Variants in PTPRN2 observed in about 807,000 individuals in gnomAD.
PTPRN2 encodes the protein protein tyrosine phosphatase receptor type N2.
In PTPRN2, 74 loss-of-function variants were observed where a neutral mutation model predicts 118.8. That is an observed-to-expected ratio of 0.62 (90% CI 0.52 to 0.76). The LOEUF is 0.76. PTPRN2 is among the 30% of genes least tolerant of loss of function. The pLI is 0.00. For missense variants in PTPRN2, 1,481 were observed against 1,394.4 expected, an observed-to-expected ratio of 1.06 and a Z score of -0.99; for synonymous variants, 641 against 608.0, an observed-to-expected ratio of 1.05 and a Z score of -0.80.
chr7:157,922,645 T>C (rs886517544), intron 11 of PTPRN2, among the ~76,000 whole-genome samples: 34 of 152,302 alleles, frequency 2.2e-4, no homozygotes, highest in African/African-American at 8.2e-4. Flanking sequence ...CTCCTTTTGC[T>C]GGGAAGGAAA....
At chr7:157,706,044 G>A (rs980377778) in intron 12 of PTPRN2, among the ~76,000 whole-genome samples, 3 of 151,280 alleles carry the variant, frequency 2.0e-5, no homozygotes, top group African/African-American at 7.3e-5. Flanking sequence ...AAATCAACGT[G>A]GACCACATCC....
chr7:158,331,148 G>T (rs1399590415), intron 2 of PTPRN2, among the ~76,000 whole-genome samples: 2 of 135,528 alleles, frequency 1.5e-5, no homozygotes, highest in Non-Finnish European at 3.1e-5. Context: ...GCCCGCAGAC[G>T]TCACTCACAC....
intron 2 of PTPRN2, among the ~76,000 whole-genome samples, chr7:158,391,902 T>C (rs574874021): frequency 1.4e-4 from 21 of 152,318 alleles, no homozygotes; most frequent in African/African-American, 4.6e-4. Flanking sequence ...ATTTGCCACC[T>C]GGGATGACGC....
chr7:158,143,304 C>A (rs1819561219), intron 6 of PTPRN2, among the ~76,000 whole-genome samples: 1 of 152,194 alleles, frequency 6.6e-6, no homozygotes, highest in Admixed American at 6.5e-5. Context: ...GCCCAGAAAA[C>A]TAACAGCCCC....
intron 11 of PTPRN2, among the ~76,000 whole-genome samples, chr7:157,917,481 GGGCTTCGGTGGAAAGGGAGCAT>G (rs1343496103): frequency 6.6e-6 from 1 of 152,182 alleles, no homozygotes; most frequent in Non-Finnish European, 1.5e-5. Context: ...CCGGGGGGCG[GGGCTTCGGTGGAAAGGGAGCAT>G]GGCTGCGCAG....
chr7:157,883,568 CA>C (rs1283286130), intron 12 of PTPRN2, among the ~76,000 whole-genome samples: 3 of 147,496 alleles, frequency 2.0e-5, no homozygotes, highest in East Asian at 3.9e-4. Flanking sequence ...GAACAGAACA[CA>C]CCACCCCAAA....
Position 158,525,320 on chromosome 7 carries a change from C to T in PTPRN2, c.113-35535G>A, listed in dbSNP as rs1011592871. 6.6e-6 allele frequency among the ~76,000 whole-genome samples: 1 copy of T among 152,198 alleles called. No homozygotes were observed. The highest frequency in any genetic ancestry group is 1.5e-5 in the Non-Finnish European group (1 of 68,044). On this transcript the variant is annotated intron_variant, in intron 1 of 22. Coordinates refer to ENST00000389418, the MANE Select transcript of PTPRN2 (RefSeq NM_002847.5). This position sits in a 1 kb window ranked among gnomAD's most constrained non-coding sequence, Gnocchi z 4.1. ...ACGGCCCCCTAATGTGCAACAAAAC[C>T]GTGAGACCCGAGCAGAAGCTGCAGC...
chr7:157,946,787 C>T (rs1800514892), intron 11 of PTPRN2, among the ~76,000 whole-genome samples: 1 of 152,202 alleles, frequency 6.6e-6, no homozygotes, highest in East Asian at 1.9e-4. Flanking sequence ...TCCCAGAAGC[C>T]AAGTGAGAGA....
chr7:158,319,637 A>ACT (rs1563132180), intron 2 of PTPRN2, among the ~76,000 whole-genome samples: 2 of 107,552 alleles, frequency 1.9e-5, no homozygotes, highest in African/African-American at 3.9e-5. Flanking sequence ...CCTCACACAC[A>ACT]CACAGCCTCC....
In PTPRN2 at chr7:158,517,719, G is replaced by A. The variant is rs1406429415; in HGVS notation, c.113-27934C>T. On this transcript the variant is annotated intron_variant, in intron 1 of 22. Coordinates refer to ENST00000389418, the MANE Select transcript of PTPRN2 (RefSeq NM_002847.5). This position sits in a 1 kb window ranked among gnomAD's most constrained non-coding sequence, Gnocchi z 5.3. Reference sequence around the variant, plus strand: ...CCACCATAGCCAGGCAGGCCTCCAGGCGCTTCCAGACTCATCCCCACCATA... The same window carrying A: ...CCACCATAGCCAGGCAGGCCTCCAGACGCTTCCAGACTCATCCCCACCATA... 6.6e-6 allele frequency among the ~76,000 whole-genome samples: 1 copy of A among 151,762 alleles called. No individual in the cohort carries two copies. The highest frequency in any genetic ancestry group is 6.6e-5 in the Admixed American group (1 of 15,250).
At chr7:158,407,819 G>A (rs1035800949) in intron 2 of PTPRN2, among the ~76,000 whole-genome samples, 8 of 152,220 alleles carry the variant, frequency 5.3e-5, no homozygotes, top group Non-Finnish European at 1.0e-4. Flanking sequence ...TGGAACCATC[G>A]CCGTGCTCAG....
intron 12 of PTPRN2, among the ~76,000 whole-genome samples, chr7:157,689,944 A>C (rs963584622): frequency 1.3e-5 from 2 of 152,176 alleles, no homozygotes; most frequent in Non-Finnish European, 2.9e-5. Flanking sequence ...GCTGAGAGGA[A>C]AATGCGCCCA....
In PTPRN2 at chr7:157,596,542, T is replaced by C. The variant is rs1332336860; in HGVS notation, c.2419-1227A>G. 6.6e-6 allele frequency among the ~76,000 whole-genome samples: 1 copy of C among 152,176 alleles called. No individual in the cohort carries two copies. The highest frequency in any genetic ancestry group is 1.5e-5 in the Non-Finnish European group (1 of 68,028). On this transcript the variant is annotated intron_variant, in intron 16 of 22. Transcript: ENST00000389418. The surrounding 1 kb of genome is among the most constrained non-coding windows in gnomAD (Gnocchi z 4.2). ...GAGAGGCAAGCGAGATTTGAGCACA[T>C]TGCTGAGGGGCGTCAGATGGAGGTG...
intron 11 of PTPRN2, among the ~76,000 whole-genome samples, chr7:157,945,729 G>A (rs1014954163): frequency 2.3e-4 from 11 of 47,532 alleles, no homozygotes; most frequent in African/African-American, 7.5e-4. Context: ...GCCACCTCCA[G>A]CTTGGACAAT....
chr7:158,067,564 T>G (rs1452973846), intron 11 of PTPRN2, among the ~76,000 whole-genome samples: 3 of 152,216 alleles, frequency 2.0e-5, no homozygotes, highest in African/African-American at 7.2e-5. Flanking sequence ...TTTGCAGAAC[T>G]GCTGTTCTAC....
intron 13 of PTPRN2, among the ~76,000 whole-genome samples, chr7:157,670,042 G>A (rs890535021): frequency 2.6e-5 from 4 of 152,176 alleles, no homozygotes; most frequent in Non-Finnish European, 4.4e-5. Flanking sequence ...ATCACGGCTC[G>A]CTCAGGGACC....
chr7:158,556,382 C>T (rs186098139), intron 1 of PTPRN2, among the ~76,000 whole-genome samples: 70 of 152,024 alleles, frequency 4.6e-4, no homozygotes, highest in African/African-American at 1.7e-3. Context: ...AGTGAAACTA[C>T]GTCTCTACTA....
intron 12 of PTPRN2, among the ~76,000 whole-genome samples, chr7:157,778,422 G>A (rs1447436018): frequency 6.6e-6 from 1 of 151,956 alleles, no homozygotes; most frequent in East Asian, 1.9e-4. Flanking sequence ...GTGAATACAG[G>A]CATCAAATGC....
At chr7:158,491,951 C>G (rs923924019) in intron 1 of PTPRN2, among the ~76,000 whole-genome samples, 80 of 152,176 alleles carry the variant, frequency 5.3e-4, no homozygotes, top group African/African-American at 1.9e-3. Context: ...ACACCTGGCA[C>G]TTGAACAGCA....
Sources: gnomAD v4.1 joint callset for allele counts (sites outside exome capture counted in the v4.1 genomes callset) on GRCh38, gnomAD v4.1.1 for gene constraint, Gnocchi (gnomAD v3.1) non-coding constraint, MANE v1.5 for transcripts, NCBI Gene and HGNC (gene_info 2026-07-23, HGNC 2026-07-21) for gene names.